INTS7: variants seen among roughly 807,000 people sequenced by gnomAD.
INTS7 encodes chromosome 1 open reading frame 73.
Under a neutral mutation model 109.2 loss-of-function variants are expected in INTS7, and 46 were observed. That is an observed-to-expected ratio of 0.42 (90% CI 0.33 to 0.54). INTS7 has a LOEUF of 0.54. INTS7 is among the 20% of genes least tolerant of loss of function. The pLI is 0.07. For missense variants in INTS7, 929 were observed against 1,132.4 expected (o/e 0.82, Z 2.58); for synonymous variants, 412 against 402.9 (o/e 1.02, Z -0.27).
intron 1 of INTS7, among the ~76,000 whole-genome samples, chr1:212,028,008 G>A (rs955630792): frequency 6.6e-6 from 1 of 152,118 alleles, no homozygotes; most frequent in Non-Finnish European, 1.5e-5. Flanking sequence ...TATATTTTTA[G>A]TAGAGACAGG....
At chr1:212,018,588 C>T (rs1666548791) in intron 3 of INTS7, among the ~76,000 whole-genome samples, 1 of 151,486 alleles carries the variant, frequency 6.6e-6, no homozygotes, top group Non-Finnish European at 1.5e-5. Flanking sequence ...ATCTACAACC[C>T]AAAGACTCTA....
chr1:211,969,373 C>T lies in INTS7; in HGVS notation c.1816-666G>A, dbSNP rs549536570. ...CCAAAATCCCCTATTACTTTGCTAC[C>T]TTCCTAATCTGAAATTCCCATCACT... is the stretch of plus-strand genomic sequence containing the variant. On this transcript the variant is annotated intron_variant, in intron 13 of 19. Transcript: ENST00000366994. Among the ~76,000 whole-genome samples the T allele has an allele frequency of 9.9e-5, 15 of 151,840 alleles. No homozygotes were observed. The South Asian group carries it at 3.1e-3, about 32-fold the overall frequency.
At chr1:211,948,595 C>G (rs974743040) in intron 17 of INTS7, among the ~76,000 whole-genome samples, 2 of 152,224 alleles carry the variant, frequency 1.3e-5, no homozygotes, top group Non-Finnish European at 2.9e-5. Context: ...TCAACAGCCC[C>G]TTGGGTATTG....
In INTS7 at chr1:211,975,215, C is replaced by G. The variant is rs1278445754; in HGVS notation, c.1766G>C (p.Cys589Ser). The G allele has an allele frequency of 6.2e-7, 1 of 1,613,676 alleles. No individual in the cohort carries two copies. The highest frequency in any genetic ancestry group is 1.3e-5 in the African/African-American group (1 of 74,902). ...QEENYSSALS[C>S]IAESLKFYHK... ...ATAGAATTTTAAAGATTCAGCAATG[C>G]AAGAAAGTGCTGAACTATAATTTTC... Residue 589 changes from cysteine to serine, a missense_variant, in exon 13 of 20, where the codon TGC becomes TCC. This residue lies in a region of INTS7 where 787 missense variants were observed against 901.1 expected (regional missense o/e 0.87). Coordinates refer to ENST00000366994, the MANE Select transcript of INTS7 (RefSeq NM_015434.4).
intron 7 of INTS7, among the ~76,000 whole-genome samples, chr1:212,004,922 G>A (rs552758670): frequency 2.6e-5 from 4 of 152,272 alleles, no homozygotes; most frequent in South Asian, 2.1e-4. Context: ...ATTAATGGAC[G>A]CCCTCATACA....
At chr1:211,990,757 G>A (rs116594585) in intron 7 of INTS7, among the ~76,000 whole-genome samples, 1 of 152,092 alleles carries the variant, frequency 6.6e-6, no homozygotes, top group African/African-American at 2.4e-5. Flanking sequence ...CCTAAGAGGA[G>A]ATATGTTCAA....
chr1:211,974,481 T>C (rs1408003835), intron 13 of INTS7, among the ~76,000 whole-genome samples: 1 of 151,754 alleles, frequency 6.6e-6, no homozygotes, highest in Non-Finnish European at 1.5e-5. Flanking sequence ...CATCTCAATA[T>C]ATACAATTTT....
At chr1:212,004,444 A>T (rs930516269) in intron 7 of INTS7, among the ~76,000 whole-genome samples, 1 of 152,358 alleles carries the variant, frequency 6.6e-6, no homozygotes, top group African/African-American at 2.4e-5. Flanking sequence ...ACAACCTATC[A>T]TGTCAACATA....
Position 211,960,702 on chromosome 1 carries a change from A to G in INTS7, c.2183+5728T>C, listed in dbSNP as rs576275705. Reference sequence around the variant, plus strand: ...TTGCAAAGCAGACCAAGCTGTGGAAAGAATCACAGAGCTTGAAGACTGGCT... The same window carrying G: ...TTGCAAAGCAGACCAAGCTGTGGAAGGAATCACAGAGCTTGAAGACTGGCT... On this transcript the variant is annotated intron_variant, in intron 16 of 19. Coordinates refer to ENST00000366994, the MANE Select transcript of INTS7 (RefSeq NM_015434.4). Among the ~76,000 whole-genome samples, 5 of 152,368 alleles carry G rather than the reference A, an allele frequency of 3.3e-5. No individual in the cohort carries two copies. In the East Asian group the frequency reaches 9.6e-4, roughly 29 times the overall value.
Position 211,975,123 on chromosome 1 carries a change from T to G in INTS7, c.1815+43A>C, listed in dbSNP as rs1311045114. ...TCCAAAAAGAGAAGGGAGAGAACTC[T>G]CACATAAATCATCACCACCAAAGGT... is the stretch of plus-strand genomic sequence containing the variant. On this transcript the variant is annotated intron_variant, in intron 13 of 19. Coordinates refer to ENST00000366994, the MANE Select transcript of INTS7 (RefSeq NM_015434.4). The G allele has an allele frequency of 1.3e-5, 18 of 1,366,738 alleles. 1 individual carries two copies. In the Admixed American group the frequency reaches 3.1e-4, roughly 24 times the overall value. 84.7% of individuals were successfully genotyped at this position (1,366,738 alleles called of 1,614,324 possible).
At chr1:212,003,805 A>T (rs2102463474) in intron 7 of INTS7, among the ~76,000 whole-genome samples, 1 of 152,360 alleles carries the variant, frequency 6.6e-6, no homozygotes, top group East Asian at 1.9e-4. Context: ...TAACAACTAA[A>T]AGAATATTTA....
At chr1:211,964,288 T>C (rs937161154) in intron 16 of INTS7, among the ~76,000 whole-genome samples, 7 of 149,638 alleles carry the variant, frequency 4.7e-5, no homozygotes, top group African/African-American at 1.7e-4. Context: ...ACTGGGGAGA[T>C]GAAAGCAAAA....
At chr1:211,988,430 A>G (rs962050923) in intron 7 of INTS7, among the ~76,000 whole-genome samples, 1 of 143,814 alleles carries the variant, frequency 7.0e-6, no homozygotes, top group South Asian at 2.1e-4. Context: ...TCAAAAAAAA[A>G]AAAACAAAAA....
At chr1:212,017,856 ATACTGT>A (rs1158882709) in intron 3 of INTS7, among the ~76,000 whole-genome samples, 1 of 152,244 alleles carries the variant, frequency 6.6e-6, no homozygotes, top group Non-Finnish European at 1.5e-5. Flanking sequence ...AAAATAAGTA[ATACTGT>A]TAGTAGCAAG....
At chr1:211,954,087 C>T (rs547596020) in intron 16 of INTS7, among the ~76,000 whole-genome samples, 26 of 152,286 alleles carry the variant, frequency 1.7e-4, no homozygotes, top group African/African-American at 6.3e-4. Flanking sequence ...TTAATGATTG[C>T]CATTCTAACT....
rs74387826 is a variant in INTS7, at chr1:212,010,845, T to C, written c.556+530A>G. Among the ~76,000 whole-genome samples the C allele has an allele frequency of 7.1e-3, 1,086 of 152,288 alleles. 4 individuals are homozygous for C. The highest frequency in any genetic ancestry group is 0.012 in the Non-Finnish European group (796 of 68,016). On this transcript the variant is annotated intron_variant, in intron 5 of 19. Coordinates refer to ENST00000366994, the MANE Select transcript of INTS7 (RefSeq NM_015434.4). ...TTTAGGTTTATTTAAGTACACTCTA[T>C]GAAGTTCAAACAACAAAACTGCCTA...
chr1:211,978,264 C>G lies in INTS7; in HGVS notation c.1470+8G>C. ...TCATTCAAAGGAGATTCAAAATGGG[C>G]TTTTTACCAGAAGTTCTTGTTGCTT... On this transcript the variant is annotated splice_region_variant and intron_variant, in intron 11 of 19. Transcript: ENST00000366994. 6.2e-7 allele frequency: 1 copy of G among 1,613,940 alleles called. No homozygotes were observed. Among genetic ancestry groups the G allele is most frequent in the Middle Eastern group, 1.6e-4 (1 of 6,062 alleles).
At chr1:211,968,129 T>C in intron 14 of INTS7, 148 bp from the exon 15 acceptor site, 1 of 529,674 alleles carries the variant, frequency 1.9e-6, no homozygotes, top group Non-Finnish European at 3.3e-6. Context: ...TTCATTTTCA[T>C]AAACTTTGTT....
At position 211,977,431 on chromosome 1, in the gene INTS7, C is replaced by A. The variant is rs193011978; in HGVS notation, c.1471-712G>T. The stretch of plus-strand genomic sequence containing the variant: ...TTCAATAAAAAATAAACTTAGCTAA[C>A]TGCCTCTTAATATTTCAAAGCTGAT... On this transcript the variant is annotated intron_variant, in intron 11 of 19. Coordinates refer to ENST00000366994, the MANE Select transcript of INTS7 (RefSeq NM_015434.4). 4.6e-5 allele frequency among the ~76,000 whole-genome samples: 7 copies of A among 152,312 alleles called. No individual in the cohort carries two copies. In the East Asian group the frequency reaches 1.2e-3, roughly 25 times the overall value.
Sources: gnomAD v4.1 joint callset for allele counts (sites outside exome capture counted in the v4.1 genomes callset) on GRCh38, gnomAD v4.1.1 for gene constraint, gnomAD v4.1.1 regional missense constraint, MANE v1.5 for transcripts, NCBI Gene and HGNC (gene_info 2026-07-23, HGNC 2026-07-21) for gene names.